The following ZC3H12A variants were observed in gnomAD, a reference collection of about 807,000 sequenced individuals.
ZC3H12A encodes zinc finger CCCH-type containing 12A.
ZC3H12A carries 9 observed loss-of-function variants against 29.9 expected under a neutral mutation model. The observed-to-expected ratio is 0.30, with a 90% CI of 0.18 to 0.53. The LOEUF (loss-of-function observed/expected upper bound fraction) is 0.53, where lower values mean the gene tolerates loss of function less well. Among genes scored for constraint, ZC3H12A ranks in the 20% least tolerant of loss-of-function variants. The pLI is 0.96. For missense variants in ZC3H12A, 617 were observed against 799.0 expected, an observed-to-expected ratio of 0.77 and a Z score of 2.75; for synonymous variants, 323 against 338.1, an observed-to-expected ratio of 0.96 and a Z score of 0.49.
In ZC3H12A at chr1:37,483,098, G is replaced by T. The variant is rs751109849; in HGVS notation, c.1287G>T (p.Pro429=). 22 of 1,612,666 alleles carry T rather than the reference G, an allele frequency of 1.4e-5. No homozygotes were observed. Among genetic ancestry groups the T allele is most frequent in the Non-Finnish European group, 1.9e-5 (22 of 1,179,686 alleles). The part of the protein sequence containing the change: ...DWLPQTLDSL[P]YVSQDCLDSG... ...TCCCACAGACGCTGGACTCACTCCCGTACGTCTCCCAGGATTGCCTGGACT... is the reference window on the plus strand; with the variant it reads ...TCCCACAGACGCTGGACTCACTCCCTTACGTCTCCCAGGATTGCCTGGACT... The change falls in exon 6 of 6, where the codon CCG becomes CCT. Residue 429 remains proline (P), a synonymous_variant. Coordinates refer to ENST00000373087, the MANE Select transcript of ZC3H12A (RefSeq NM_025079.3).
rs1369945346 is a variant in ZC3H12A, at chr1:37,476,018, TC to T, written c.443+80del. ...CAGGACACATGGAAGGATGACTGTCTCTGCAGCTCTGGTGGGCTGGAAGAAG... is the reference window on the plus strand; with the variant it reads ...CAGGACACATGGAAGGATGACTGTCTTGCAGCTCTGGTGGGCTGGAAGAAG... On this transcript the variant is annotated intron_variant, in intron 2 of 5. Transcript: ENST00000373087. The surrounding 1 kb of genome is among the most constrained non-coding windows in gnomAD (Gnocchi z 6.0). 3.7e-6 allele frequency: 5 copies of T among 1,357,244 alleles called. No homozygotes were observed. Among genetic ancestry groups the T allele is most frequent in the Non-Finnish European group, 4.9e-6 (5 of 1,028,190 alleles). 84.1% of individuals were successfully genotyped at this position (1,357,244 alleles called of 1,614,324 possible).
In ZC3H12A at chr1:37,483,235, G is replaced by A. The variant is rs776595748; in HGVS notation, c.1424G>A (p.Gly475Glu). The part of the protein sequence containing the change: ...RAPYTGYSPY[G>E]SELPATAAFS... ...CCTTACACGGGCTACAGTCCCTATG[G>A]ATCTGAGCTCCCAGCCACCGCAGCC... The change falls in exon 6 of 6, where the codon GGA (glycine) becomes GAA (glutamate). Residue 475 changes from glycine to glutamate, a missense_variant. Gly to Glu is a moderately conservative substitution (Grantham distance 98). Around this residue, in one of 5 missense-constraint regions of ZC3H12A, gnomAD observed 172 missense variants for 203.1 expected, o/e 0.85. Transcript: ENST00000373087. 4 of 1,613,722 alleles carry A rather than the reference G, an allele frequency of 2.5e-6. No individual in the cohort carries two copies. Among genetic ancestry groups the A allele is most frequent in the African/African-American group, 2.7e-5 (2 of 74,924 alleles).
At chr1:37,481,929 C>A in intron 4 of ZC3H12A, 94 bp downstream of exon 4, 2 of 1,331,014 alleles carry the variant, frequency 1.5e-6, no homozygotes, top group African/African-American at 1.5e-5. Context: ...CTGGGCTCTG[C>A]GGGGCCCTGT....
At chr1:37,477,506 G>A (rs1252102947) in intron 2 of ZC3H12A, among the ~76,000 whole-genome samples, 3 of 152,236 alleles carry the variant, frequency 2.0e-5, no homozygotes, top group South Asian at 2.1e-4. Flanking sequence ...AGGGGCAGGC[G>A]GGCTAGCCCC....
In ZC3H12A at chr1:37,483,300, A is replaced by G. The variant is rs753678927; in HGVS notation, c.1489A>G (p.Ser497Gly). Residue 497 changes from serine to glycine, a missense_variant, in exon 6 of 6, where the codon AGT becomes GGT. Around this residue, in one of 5 missense-constraint regions of ZC3H12A, gnomAD observed 172 missense variants for 203.1 expected, o/e 0.85. Transcript: ENST00000373087. Reference protein sequence around the residue: ...FGRAMGAGHFSVPADYPPAPP... With the variant: ...FGRAMGAGHFGVPADYPPAPP... ...CCGGGCCATGGGTGCTGGCCACTTC[A>G]GTGTCCCTGCCGACTACCCACCCGC... The G allele has an allele frequency of 6.2e-7, 1 of 1,614,014 alleles. No homozygotes were observed. Among genetic ancestry groups the G allele is most frequent in the South Asian group, 1.1e-5 (1 of 91,082 alleles).
In ZC3H12A at chr1:37,479,219, C is replaced by T; in HGVS notation, c.444-1071C>T. ...AGCTCTTCCATGACACCTAGTGTTA[C>T]CTGGGAGCCCCAAGCCCCAGTCCCC... is the stretch of plus-strand genomic sequence containing the variant. On this transcript the variant is annotated intron_variant, in intron 2 of 5. Transcript: ENST00000373087. The surrounding 1 kb of genome is among the most constrained non-coding windows in gnomAD (Gnocchi z 4.5). The T allele has an allele frequency of 1.0e-6, 1 of 985,422 alleles. No homozygotes were observed. The highest frequency in any genetic ancestry group is 1.2e-6 in the Non-Finnish European group (1 of 829,920). 61.0% of individuals were successfully genotyped at this position (985,422 alleles called of 1,614,324 possible). A position where few individuals can be genotyped will look rare whatever the true frequency, so the allele number is the denominator to read the frequency against.
At position 37,478,681 on chromosome 1, in the gene ZC3H12A, G is replaced by A. The variant is rs144758812; in HGVS notation, c.444-1609G>A. ...CGTCTCTCTTCCACCGTTAACTGCTGTGTGACCCTGGTGACTAAGCTGCCT... is the reference window on the plus strand; with the variant it reads ...CGTCTCTCTTCCACCGTTAACTGCTATGTGACCCTGGTGACTAAGCTGCCT... On this transcript the variant is annotated intron_variant, in intron 2 of 5. Coordinates refer to ENST00000373087, the MANE Select transcript of ZC3H12A (RefSeq NM_025079.3). This position sits in a 1 kb window ranked among gnomAD's most constrained non-coding sequence, Gnocchi z 5.2. The A allele has an allele frequency of 3.0e-4, 65 of 213,266 alleles. No individual in the cohort carries two copies. In the East Asian group the frequency reaches 6.6e-3, roughly 22 times the overall value. 13.2% of individuals were successfully genotyped at this position (213,266 alleles called of 1,614,324 possible).
At chr1:37,480,824 T>C (rs1641686436) in intron 3 of ZC3H12A, among the ~76,000 whole-genome samples, 1 of 143,984 alleles carries the variant, frequency 6.9e-6, no homozygotes, top group Non-Finnish European at 1.6e-5. Flanking sequence ...CTGAGCCACA[T>C]GCTCCTCATC....
chr1:37,479,955 A>C lies in ZC3H12A; in HGVS notation c.444-335A>C. The C allele has an allele frequency of 9.4e-7, 1 of 1,067,430 alleles. No individual in the cohort carries two copies. 66.1% of individuals were successfully genotyped at this position (1,067,430 alleles called of 1,614,324 possible). On this transcript the variant is annotated intron_variant, in intron 2 of 5. Transcript: ENST00000373087. This position sits in a 1 kb window ranked among gnomAD's most constrained non-coding sequence, Gnocchi z 4.5. ...GTTGCAAGTGGCCTGGCCCTCCCCC[A>C]CCGTGGGGAGCAGTGCTGCCAGCTT... is the stretch of plus-strand genomic sequence containing the variant.
intron 5 of ZC3H12A, 62 bp from the exon 6 acceptor site, chr1:37,482,675 C>T (rs750501108): frequency 1.2e-6 from 2 of 1,611,798 alleles, no homozygotes; most frequent in African/African-American, 2.7e-5. Context: ...CCACCCCTTC[C>T]CTGCTCTCAT....
At chr1:37,482,348 A>G in intron 4 of ZC3H12A, 86 bp from the exon 5 acceptor site, 1 of 1,204,566 alleles carries the variant, frequency 8.3e-7, no homozygotes, top group Non-Finnish European at 1.2e-6. Context: ...TATTCTTCCC[A>G]GCAAGGCTTG....
Position 37,475,527 on chromosome 1 carries a change from C to T in ZC3H12A, c.31C>T (p.Leu11=). MSGPCGEKPV[L]EASPTMSLWE... is the part of the protein sequence containing the mutation. ...TGGCCCCTGTGGAGAGAAGCCTGTC[C>T]TGGAAGCCAGCCCCACCATGAGTCT... The change falls in exon 2 of 6, where the codon CTG becomes TTG. Residue 11 remains leucine (L), a synonymous_variant. Transcript: ENST00000373087. This position sits in a 1 kb window ranked among gnomAD's most constrained non-coding sequence, Gnocchi z 5.2. 1 of 1,612,098 alleles carries T rather than the reference C, an allele frequency of 6.2e-7. No individual in the cohort carries two copies. Among genetic ancestry groups the T allele is most frequent in the Non-Finnish European group, 8.5e-7 (1 of 1,179,228 alleles).
Position 37,481,758 on chromosome 1 carries a change from T to C in ZC3H12A, c.741T>C (p.Arg247=). The change falls in exon 4 of 6, where the codon CGT becomes CGC. Residue 247 remains arginine, a synonymous_variant. Coordinates refer to ENST00000373087, the MANE Select transcript of ZC3H12A (RefSeq NM_025079.3). The part of the protein sequence containing the change: ...DGIVVSNDTY[R]DLQGERQEWK... Reference sequence around the variant, plus strand: ...TCGTGGTTTCCAACGACACATACCGTGACCTCCAAGGCGAGCGGCAGGAGT... The same window carrying C: ...TCGTGGTTTCCAACGACACATACCGCGACCTCCAAGGCGAGCGGCAGGAGT... 1 of 1,614,208 alleles carries C rather than the reference T, an allele frequency of 6.2e-7. No homozygotes were observed. Among genetic ancestry groups the C allele is most frequent in the African/African-American group, 1.3e-5 (1 of 75,054 alleles).
rs933276212 is a variant in ZC3H12A, at chr1:37,480,488, C to G, written c.583+59C>G. On this transcript the variant is annotated intron_variant, in intron 3 of 5. Transcript: ENST00000373087. ...CTGCCCCAGCAGCCCTGGTTCTCCC[C>G]AAGAGAGACCCTCTGGGAGTGACCT... 1.2e-5 allele frequency: 19 copies of G among 1,569,058 alleles called. No homozygotes were observed. In the Middle Eastern group the frequency reaches 8.6e-4, roughly 71 times the overall value.
In ZC3H12A at chr1:37,480,412, C is replaced by G. The variant is rs759631033; in HGVS notation, c.566C>G (p.Pro189Arg). Reference protein sequence around the residue: ...VPSWRKEQPRPDVPITDQHIL... With the variant: ...VPSWRKEQPRRDVPITDQHIL... ...TCCTGGAGGAAGGAGCAGCCTCGGC[C>G]CGACGTGCCCATCACAGGTGAGTGG... Residue 189 changes from proline (P) to arginine (R), a missense_variant, in exon 3 of 6, where the codon CCC becomes CGC. This residue lies in a region of ZC3H12A where 255 missense variants were observed against 402.5 expected (regional missense o/e 0.63). Coordinates refer to ENST00000373087, the MANE Select transcript of ZC3H12A (RefSeq NM_025079.3). 6.2e-7 allele frequency: 1 copy of G among 1,613,118 alleles called. No individual in the cohort carries two copies. The highest frequency in any genetic ancestry group is 1.1e-5 in the South Asian group (1 of 90,990).
intron 3 of ZC3H12A, among the ~76,000 whole-genome samples, chr1:37,481,348 A>G (rs188534159): frequency 2.0e-5 from 3 of 152,384 alleles, no homozygotes; most frequent in African/African-American, 7.2e-5. Flanking sequence ...GAACAAGGCC[A>G]GCTCTGTGCT....
chr1:37,480,906 A>C (rs964121907), intron 3 of ZC3H12A, among the ~76,000 whole-genome samples: 2 of 152,226 alleles, frequency 1.3e-5, no homozygotes, highest in South Asian at 4.1e-4. Context: ...ATAAGTTAAC[A>C]CACGGTAAGT....
At position 37,478,370 on chromosome 1, in the gene ZC3H12A, G is replaced by C. The variant is rs546014396; in HGVS notation, c.444-1920G>C. On this transcript the variant is annotated intron_variant, in intron 2 of 5. Coordinates refer to ENST00000373087, the MANE Select transcript of ZC3H12A (RefSeq NM_025079.3). The surrounding 1 kb of genome is among the most constrained non-coding windows in gnomAD (Gnocchi z 5.2). ...ACTTTGTTCAAACTCAATTTTGGGA[G>C]CTTTGTTCTCCCAAATAAATTCTGG... 6.6e-6 allele frequency among the ~76,000 whole-genome samples: 1 copy of C among 152,346 alleles called. No individual in the cohort carries two copies. The highest frequency in any genetic ancestry group is 1.5e-5 in the Non-Finnish European group (1 of 68,040).
At chr1:37,480,556 A>T in intron 3 of ZC3H12A, 127 bp downstream of exon 3, 1 of 1,315,172 alleles carries the variant, frequency 7.6e-7, no homozygotes, top group Non-Finnish European at 1.0e-6. Context: ...TTCTTTTCTC[A>T]GTTTTTTCTG....
Sources: gnomAD v4.1 joint callset for allele counts (sites outside exome capture counted in the v4.1 genomes callset) on GRCh38, gnomAD v4.1.1 for gene constraint, gnomAD v4.1.1 regional missense constraint, Gnocchi (gnomAD v3.1) non-coding constraint, MANE v1.5 for transcripts, NCBI Gene and HGNC (gene_info 2026-07-23, HGNC 2026-07-21) for gene names.